The following DPPA4 variants were observed in gnomAD, a reference collection of about 807,000 sequenced individuals.
The protein encoded by DPPA4 is developmental pluripotency associated 4.
In DPPA4, 22 loss-of-function variants were observed where a neutral mutation model predicts 33.7. The observed-to-expected ratio is 0.65, with a 90% CI of 0.47 to 0.93. The LOEUF (loss-of-function observed/expected upper bound fraction) is 0.93, where lower values mean the gene tolerates loss of function less well. Ranked by LOEUF, DPPA4 falls within the 40% of genes least tolerant of loss-of-function variation. The probability of loss-of-function intolerance (pLI) is 0.00; values close to 1 mark genes in which losing one functional copy is unlikely to be tolerated. For missense variants in DPPA4, 340 were observed against 358.6 expected (o/e 0.95, Z 0.42); for synonymous variants, 156 against 132.3 (o/e 1.18, Z -1.23).
intron 1 of DPPA4, among the ~76,000 whole-genome samples, chr3:109,336,080 G>C (rs964866052): frequency 6.6e-6 from 1 of 151,590 alleles, no homozygotes; most frequent in African/African-American, 2.4e-5. Context: ...TTGAACCCGG[G>C]AAGCAGAGGC....
intron 2 of DPPA4, among the ~76,000 whole-genome samples, chr3:109,333,166 C>A (rs1708117840): frequency 6.6e-6 from 1 of 151,842 alleles, no homozygotes. Context: ...TATGGTGAAA[C>A]CCTGTCTCTA....
At chr3:109,331,603 G>A (rs1258807180) in intron 4 of DPPA4, 131 bp downstream of exon 4, 2 of 650,082 alleles carry the variant, frequency 3.1e-6, no homozygotes, top group African/African-American at 3.6e-5. Context: ...AGTAGAGATG[G>A]GAAATATTGT....
rs539329828 is a variant in DPPA4, at chr3:109,332,832, C to T, written c.179-801G>A. Among the ~76,000 whole-genome samples, 185 of 152,318 alleles carry T rather than the reference C, an allele frequency of 1.2e-3. 1 individual carries two copies. Among genetic ancestry groups the T allele is most frequent in the African/African-American group, 4.3e-3 (180 of 41,574 alleles). On this transcript the variant is annotated intron_variant, in intron 2 of 6. Transcript: ENST00000335658. ...TTCTGGCTGGGCGCAGTGGCTCACA[C>T]TGTAATCCCAGCACTTTGGGAGGCC...
chr3:109,330,397 G>C, intron 5 of DPPA4, 127 bp downstream of exon 5: 1 of 1,010,698 alleles, frequency 9.9e-7, no homozygotes, highest in Non-Finnish European at 1.5e-6. Flanking sequence ...CAGAAACTCT[G>C]TGGGCAGGGT....
chr3:109,337,370 C>T (rs1463353939), intron 1 of DPPA4, 94 bp downstream of exon 1: 17 of 1,146,242 alleles, frequency 1.5e-5, no homozygotes, highest in African/African-American at 3.1e-5. Context: ...TTCGAAGGCA[C>T]ATTCTTTTCT....
chr3:109,338,999 C>T (rs184017347), upstream of DPPA4, among the ~76,000 whole-genome samples: 1 of 151,866 alleles, frequency 6.6e-6, no homozygotes, highest in East Asian at 1.9e-4. Flanking sequence ...TTGAGACCAG[C>T]CTGGCCAACA....
chr3:109,330,761 T>C lies in DPPA4; in HGVS notation c.442A>G (p.Lys148Glu). The C allele has an allele frequency of 6.2e-7, 1 of 1,613,696 alleles. No individual in the cohort carries two copies. Among genetic ancestry groups the C allele is most frequent in the Non-Finnish European group, 8.5e-7 (1 of 1,179,922 alleles). Reference sequence around the variant, plus strand: ...GTTTCCCCCTTTTCCACCTTTAATTTTTTTTGCAATGATTTCCGGATTTTG... The same window carrying C: ...GTTTCCCCCTTTTCCACCTTTAATTCTTTTTGCAATGATTTCCGGATTTTG... ...EAKIRKSLQK[K>E]LKVEKGETSL... is the part of the protein sequence containing the mutation. The change falls in exon 5 of 7, where the codon AAA becomes GAA. Residue 148 changes from lysine (K) to glutamate (E), a missense_variant. Lys to Glu is a moderately conservative substitution (Grantham distance 56, BLOSUM62 1). Around this residue, in one of 3 missense-constraint regions of DPPA4, gnomAD observed 212 missense variants for 206.5 expected, o/e 1.03. Coordinates refer to ENST00000335658, the MANE Select transcript of DPPA4 (RefSeq NM_018189.4).
upstream of DPPA4, among the ~76,000 whole-genome samples, chr3:109,338,101 T>A (rs1708249202): frequency 6.6e-6 from 1 of 152,134 alleles, no homozygotes; most frequent in Non-Finnish European, 1.5e-5. Flanking sequence ...TTATTTATTT[T>A]GTAGAGGGCA....
intron 1 of DPPA4, 71 bp from the exon 2 acceptor site, chr3:109,334,064 T>A (rs1020984722): frequency 4.0e-5 from 63 of 1,568,758 alleles, no homozygotes; most frequent in Non-Finnish European, 5.0e-5. Flanking sequence ...TGCCTCAAGA[T>A]AACTCACTTC....
In DPPA4 at chr3:109,326,759, T is replaced by C. The variant is rs1707944065; in HGVS notation, c.*1229A>G. ...GATACATTAAATATGTGCAGCTTTT[T>C]GTATGTGAATCATACCTAAGTAGTT... On this transcript the variant is annotated 3_prime_UTR_variant, in exon 7 of 7. Coordinates refer to ENST00000335658, the MANE Select transcript of DPPA4 (RefSeq NM_018189.4). 6.6e-6 allele frequency: 1 copy of C among 152,236 alleles called. No individual in the cohort carries two copies. The allele number at this position is 152,236 out of a possible 1,614,324, so 9.4% of individuals were successfully genotyped here. A position where few individuals can be genotyped will look rare whatever the true frequency, so the allele number is the denominator to read the frequency against.
At chr3:109,338,938 T>A (rs6777033), upstream of DPPA4, among the ~76,000 whole-genome samples, 7,820 of 152,144 alleles carry the variant, frequency 0.051, 463 homozygotes, top group African/African-American at 0.14. Flanking sequence ...ACGCCTGTAA[T>A]CTCAGCACTT....
intron 5 of DPPA4, 191 bp downstream of exon 5, chr3:109,330,330 AAGG>A (rs1708038702): frequency 1.4e-5 from 5 of 369,124 alleles, no homozygotes; most frequent in African/African-American, 6.1e-5. Context: ...AAAAAAAAAA[AAGG>A]AAAAAAAAAA....
At chr3:109,333,026 T>C (rs1708114650) in intron 2 of DPPA4, among the ~76,000 whole-genome samples, 1 of 151,184 alleles carries the variant, frequency 6.6e-6, no homozygotes, top group African/African-American at 2.4e-5. Context: ...GCAGAGGTTG[T>C]AGTGGGCCGG....
rs1041475131 is a variant in DPPA4 at position 109,335,294 on chromosome 3, G to A, written c.55-1301C>T. Among the ~76,000 whole-genome samples the A allele has an allele frequency of 2.0e-5, 3 of 152,242 alleles. No individual in the cohort carries two copies. In the East Asian group the frequency reaches 5.8e-4, roughly 29 times the overall value. ...AGCCTCCTGAGCAGGTGGGACTACA[G>A]GATAATTTTTTGTAGAGGTGAGGTC... is the stretch of plus-strand genomic sequence containing the variant. On this transcript the variant is annotated intron_variant, in intron 1 of 6. Coordinates refer to ENST00000335658, the MANE Select transcript of DPPA4 (RefSeq NM_018189.4).
intron 5 of DPPA4, chr3:109,329,652 GA>G (rs1708014524): frequency 6.5e-6 from 1 of 154,472 alleles, no homozygotes; most frequent in African/African-American, 2.4e-5. Flanking sequence ...AGAGTGTCTG[GA>G]AAGGGCTTCA....
intron 5 of DPPA4, 69 bp from the exon 6 acceptor site, chr3:109,329,157 A>G (rs1203916392): frequency 7.2e-7 from 1 of 1,381,750 alleles, no homozygotes; most frequent in East Asian, 2.3e-5. Flanking sequence ...AGACTGCATT[A>G]TGGCCCATCA....
chr3:109,329,158 T>C (rs1708000845), intron 5 of DPPA4, 70 bp from the exon 6 acceptor site: 5 of 1,383,292 alleles, frequency 3.6e-6, no homozygotes, highest in Middle Eastern at 1.8e-4. Flanking sequence ...GACTGCATTA[T>C]GGCCCATCAC....
chr3:109,328,384 A>C (rs911240144), intron 6 of DPPA4, among the ~76,000 whole-genome samples: 5 of 152,196 alleles, frequency 3.3e-5, no homozygotes, highest in African/African-American at 1.2e-4. Context: ...AGGATATCCC[A>C]AAGAAGGAAA....
rs1194257032 is a variant in DPPA4 at position 109,327,129 on chromosome 3, T to C, written c.*859A>G. The C allele has an allele frequency of 2.0e-5, 3 of 150,596 alleles. No individual in the cohort carries two copies. The highest frequency in any genetic ancestry group is 1.9e-4 in the East Asian group (1 of 5,200). The allele number at this position is 150,596 out of a possible 1,614,324, so 9.3% of individuals were successfully genotyped here. ...GTGTTTTGATCCTGGAGTCAAACCA[T>C]AGAAATCTCAGGTTATTAAGAGAAC... On this transcript the variant is annotated 3_prime_UTR_variant, in exon 7 of 7. Coordinates refer to ENST00000335658, the MANE Select transcript of DPPA4 (RefSeq NM_018189.4).
Sources: gnomAD v4.1 joint callset for allele counts (sites outside exome capture counted in the v4.1 genomes callset) on GRCh38, gnomAD v4.1.1 for gene constraint, gnomAD v4.1.1 regional missense constraint, MANE v1.5 for transcripts, NCBI Gene and HGNC (gene_info 2026-07-23, HGNC 2026-07-21) for gene names.